RALA: variants seen among roughly 807,000 people sequenced by gnomAD.
The protein encoded by RALA is ras-related protein Ral-A.
Under a neutral mutation model 24.0 loss-of-function variants are expected in RALA, and 5 were observed. That is an observed-to-expected ratio of 0.21 (90% CI 0.11 to 0.44). The LOEUF is 0.44. RALA is among the 20% of genes least tolerant of loss of function. RALA has a pLI of 0.99. For synonymous variants in RALA, 77 were observed against 83.8 expected (o/e 0.92, Z 0.44); for missense variants, 95 against 241.2 (o/e 0.39, Z 4.01).
intron 1 of RALA, among the ~76,000 whole-genome samples, chr7:39,633,549 C>G (rs1176092984): frequency 1.3e-5 from 2 of 152,148 alleles, no homozygotes; most frequent in Non-Finnish European, 2.9e-5. Flanking sequence ...CAGTCACCTC[C>G]CACCTAGTCC....
chr7:39,665,382 CAT>C (rs138386388), intron 1 of RALA, among the ~76,000 whole-genome samples: 1,708 of 152,184 alleles, frequency 0.011, 22 homozygotes, highest in African/African-American at 0.036. Flanking sequence ...ATACATATAA[CAT>C]ATGTGTTAAT....
intron 1 of RALA, among the ~76,000 whole-genome samples, chr7:39,661,745 G>A (rs1387427988): frequency 6.6e-6 from 1 of 152,202 alleles, no homozygotes; most frequent in Non-Finnish European, 1.5e-5. Flanking sequence ...GGTGCAAGCT[G>A]TCAGTGGATT....
chr7:39,663,074 C>T (rs1274630152), intron 1 of RALA, among the ~76,000 whole-genome samples: 1 of 152,154 alleles, frequency 6.6e-6, no homozygotes, highest in Non-Finnish European at 1.5e-5. Context: ...GTGGGGGAAA[C>T]TGCCCCCATG....
At chr7:39,697,310 C>T (rs1792938441) in intron 4 of RALA, 1 of 453,492 alleles carries the variant, frequency 2.2e-6, no homozygotes, top group South Asian at 1.6e-5. Context: ...TCTCCTGCCA[C>T]TCTCCACTCC....
At chr7:39,678,793 A>G (rs2116044952) in intron 1 of RALA, among the ~76,000 whole-genome samples, 1 of 152,312 alleles carries the variant, frequency 6.6e-6, no homozygotes, top group South Asian at 2.1e-4. Flanking sequence ...AGTTTTGCCA[A>G]GTAGAATAAA....
At position 39,706,767 on chromosome 7, in the gene RALA, T is replaced by A. The variant is rs1357632996; in HGVS notation, c.*522T>A. ...AGTTAAACTGAGAGTAATTCATCTG[T>A]GAATCTGCTTTAATTACCTGGTGAG... is the stretch of plus-strand genomic sequence containing the variant. On this transcript the variant is annotated 3_prime_UTR_variant, in exon 5 of 5. Transcript: ENST00000005257. The A allele has an allele frequency of 6.6e-6, 1 of 152,578 alleles. No individual in the cohort carries two copies. The highest frequency in any genetic ancestry group is 1.5e-5 in the Non-Finnish European group (1 of 68,080). The allele number at this position is 152,578 out of a possible 1,614,324, so 9.5% of individuals were successfully genotyped here.
At chr7:39,632,176 T>C (rs142563301) in intron 1 of RALA, among the ~76,000 whole-genome samples, 126 of 152,358 alleles carry the variant, frequency 8.3e-4, no homozygotes, top group African/African-American at 3.0e-3. Flanking sequence ...GGGAATTACA[T>C]TTCAACATGA....
chr7:39,636,262 G>C (rs1791682663), intron 1 of RALA, among the ~76,000 whole-genome samples: 1 of 152,172 alleles, frequency 6.6e-6, no homozygotes, highest in Admixed American at 6.5e-5. Context: ...TAACTCCCAT[G>C]TTTAACATTT....
chr7:39,675,435 G>T (rs1475317345), intron 1 of RALA, among the ~76,000 whole-genome samples: 1 of 152,164 alleles, frequency 6.6e-6, no homozygotes, highest in South Asian at 2.1e-4. Flanking sequence ...TCTTCTGTCA[G>T]TTAGGAAAAT....
chr7:39,628,625 G>A (rs376891007), intron 1 of RALA, among the ~76,000 whole-genome samples: 2 of 152,094 alleles, frequency 1.3e-5, no homozygotes, highest in Non-Finnish European at 2.9e-5. Context: ...GCGCGATTTC[G>A]GCTCACTGCC....
intron 1 of RALA, among the ~76,000 whole-genome samples, chr7:39,637,136 T>C (rs1583706705): frequency 6.6e-6 from 1 of 152,348 alleles, no homozygotes; most frequent in East Asian, 1.9e-4. Flanking sequence ...TTATTCATAG[T>C]GAATACTGAC....
chr7:39,692,083 CAATATTGTTGGTG>C, intron 3 of RALA, among the ~76,000 whole-genome samples: 2 of 152,268 alleles, frequency 1.3e-5, no homozygotes, highest in Non-Finnish European at 2.9e-5. Context: ...GACTCACCAA[CAATATTGTTGGTG>C]AAAGGCTTTT....
chr7:39,662,525 G>T (rs887415278), intron 1 of RALA, among the ~76,000 whole-genome samples: 14 of 152,094 alleles, frequency 9.2e-5, no homozygotes, highest in Admixed American at 5.2e-4. Context: ...CTCAAGTTTA[G>T]AGTTCCACAG....
At chr7:39,684,855 T>TC (rs1435230195) in intron 1 of RALA, among the ~76,000 whole-genome samples, 2 of 152,132 alleles carry the variant, frequency 1.3e-5, no homozygotes, top group African/African-American at 4.8e-5. Context: ...CAGGGTTAAG[T>TC]CAGACTGCAA....
intron 4 of RALA, among the ~76,000 whole-genome samples, chr7:39,699,614 C>T (rs1792987395): frequency 6.6e-6 from 1 of 152,138 alleles, no homozygotes; most frequent in African/African-American, 2.4e-5. Context: ...GAGGATAGAA[C>T]TAAATGTGCT....
chr7:39,624,283 T>TTTTG (rs1169618913), intron 1 of RALA: 1 of 148,262 alleles, frequency 6.7e-6, no homozygotes, highest in Non-Finnish European at 1.5e-5. Flanking sequence ...CGCCAGGGTT[T>TTTTG]TTTGTTTGTT....
At chr7:39,694,275 T>A (rs772762823) in intron 3 of RALA, among the ~76,000 whole-genome samples, 73 of 152,314 alleles carry the variant, frequency 4.8e-4, no homozygotes, top group Non-Finnish European at 9.3e-4. Flanking sequence ...TGACTTTTTT[T>A]AAAAAAGTGA....
At chr7:39,628,781 TC>T (rs1175448654) in intron 1 of RALA, among the ~76,000 whole-genome samples, 5 of 152,134 alleles carry the variant, frequency 3.3e-5, no homozygotes, top group Admixed American at 6.5e-5. Context: ...GGTCTCGAAC[TC>T]CTGACCTCGT....
chr7:39,680,927 T>C (rs943931020), intron 1 of RALA, among the ~76,000 whole-genome samples: 7 of 152,222 alleles, frequency 4.6e-5, no homozygotes, highest in Admixed American at 1.3e-4. Flanking sequence ...TTATATTTCA[T>C]TGAAGAAATT....
Sources: gnomAD v4.1 joint callset for allele counts (sites outside exome capture counted in the v4.1 genomes callset) on GRCh38, gnomAD v4.1.1 for gene constraint, MANE v1.5 for transcripts, NCBI Gene and HGNC (gene_info 2026-07-23, HGNC 2026-07-21) for gene names.